Variants in LPP observed in about 807,000 individuals in gnomAD.
LPP encodes the protein lipoma-preferred partner.
In LPP, 38 loss-of-function variants were observed where a neutral mutation model predicts 60.4. The ratio of observed to expected loss-of-function variants is 0.63; its 90% CI spans 0.49 to 0.83. The LOEUF is 0.83. Among genes scored for constraint, LPP ranks in the 40% least tolerant of loss-of-function variants. The pLI is 0.00. For missense variants in LPP, 902 were observed against 783.6 expected (o/e 1.15, Z -1.80); for synonymous variants, 328 against 290.8 (o/e 1.13, Z -1.30).
intron 5 of LPP, among the ~76,000 whole-genome samples, chr3:188,501,915 A>T (rs565340734): frequency 1.4e-5 from 2 of 142,204 alleles, no homozygotes; most frequent in East Asian, 4.0e-4. Context: ...AGACTCCATT[A>T]AAAAAAAAAA....
intron 3 of LPP, among the ~76,000 whole-genome samples, chr3:188,362,817 G>C (rs1028294949): frequency 1.3e-5 from 2 of 152,120 alleles, no homozygotes; most frequent in African/African-American, 4.8e-5. Flanking sequence ...TGGAAACCAC[G>C]TTCTGTGGCC....
chr3:188,576,804 C>T (rs747893621), intron 6 of LPP, among the ~76,000 whole-genome samples: 1 of 152,176 alleles, frequency 6.6e-6, no homozygotes, highest in African/African-American at 2.4e-5. Context: ...TCTCCATCAC[C>T]AGTGAGCAGA....
chr3:188,733,164 C>T (rs2150067929), intron 8 of LPP, among the ~76,000 whole-genome samples: 1 of 152,188 alleles, frequency 6.6e-6, no homozygotes, highest in Admixed American at 6.5e-5. Flanking sequence ...ATCCAAGTCT[C>T]ATATGTGACT....
At chr3:188,763,944 C>G (rs1733217683) in intron 9 of LPP, among the ~76,000 whole-genome samples, 1 of 152,056 alleles carries the variant, frequency 6.6e-6, no homozygotes, top group African/African-American at 2.4e-5. Context: ...ACAGAACCAT[C>G]AACAATAATG....
intron 2 of LPP, among the ~76,000 whole-genome samples, chr3:188,276,894 CTT>C (rs1203656488): frequency 2.9e-4 from 11 of 38,224 alleles, no homozygotes; most frequent in African/African-American, 4.9e-4. Flanking sequence ...CTTTTCTTTT[CTT>C]TTTTTTTTTT....
In LPP at chr3:188,887,590, G is replaced by A. The variant is rs527557282; in HGVS notation, c.*13111G>A. On this transcript the variant is annotated 3_prime_UTR_variant, in exon 12 of 12. Coordinates refer to ENST00000617246, the MANE Select transcript of LPP (RefSeq NM_001375462.1). ...TACTTTGAGCTTAGTTTTTAGAATTGTGTCAAATACATCAACATATCAGGA... is the reference window on the plus strand; with the variant it reads ...TACTTTGAGCTTAGTTTTTAGAATTATGTCAAATACATCAACATATCAGGA... The A allele has an allele frequency of 1.4e-5, 3 of 215,570 alleles. No individual in the cohort carries two copies. Among genetic ancestry groups the A allele is most frequent in the East Asian group, 1.4e-4 (2 of 14,548 alleles). 13.4% of individuals were successfully genotyped at this position (215,570 alleles called of 1,614,324 possible). A position where few individuals can be genotyped will look rare whatever the true frequency, so the allele number is the denominator to read the frequency against.
chr3:188,451,763 GCAGTAGGAGGAATATT>G (rs1796633873), intron 4 of LPP, among the ~76,000 whole-genome samples: 1 of 152,176 alleles, frequency 6.6e-6, no homozygotes, highest in South Asian at 2.1e-4. Context: ...ATAAGGTAAA[GCAGTAGGAGGAATATT>G]CAGACAGAGA....
intron 9 of LPP, among the ~76,000 whole-genome samples, chr3:188,768,705 C>A (rs931400591): frequency 6.6e-6 from 1 of 152,102 alleles, no homozygotes; most frequent in Non-Finnish European, 1.5e-5. Context: ...GTCCATGTAC[C>A]TGTTATCCAA....
chr3:188,669,468 C>T (rs1014583973), intron 7 of LPP, among the ~76,000 whole-genome samples: 3 of 151,992 alleles, frequency 2.0e-5, no homozygotes, highest in Non-Finnish European at 4.4e-5. Context: ...CCGAGCTACT[C>T]GGGAGGCTGA....
chr3:188,207,222 T>C (rs960202798), intron 1 of LPP, among the ~76,000 whole-genome samples: 4 of 150,976 alleles, frequency 2.6e-5, no homozygotes, highest in Admixed American at 1.3e-4. Context: ...CTTTTTTTTT[T>C]TTTTCTTTTC....
intron 8 of LPP, among the ~76,000 whole-genome samples, chr3:188,733,847 T>A (rs1279208869): frequency 6.6e-6 from 1 of 152,228 alleles, no homozygotes; most frequent in Non-Finnish European, 1.5e-5. Context: ...TTATGCATTT[T>A]GTCAAGATTG....
At chr3:188,563,943 A>C (rs1391703509) in intron 6 of LPP, among the ~76,000 whole-genome samples, 2 of 151,872 alleles carry the variant, frequency 1.3e-5, no homozygotes, top group Admixed American at 1.3e-4. Flanking sequence ...TGTGGTTTGA[A>C]TACAGGCACT....
chr3:188,708,462 A>T, intron 8 of LPP, 69 bp downstream of exon 8: 17 of 1,599,360 alleles, frequency 1.1e-5, no homozygotes, highest in Middle Eastern at 1.7e-4. Flanking sequence ...AGTAATTGGA[A>T]CTATTATCAG....
chr3:188,749,972 A>G (rs1727548124), intron 8 of LPP, among the ~76,000 whole-genome samples: 1 of 152,184 alleles, frequency 6.6e-6, no homozygotes, highest in African/African-American at 2.4e-5. Flanking sequence ...TGGGTAATTT[A>G]TAAAGAATGA....
chr3:188,517,971 C>T (rs1299935908), intron 5 of LPP, among the ~76,000 whole-genome samples: 5 of 152,250 alleles, frequency 3.3e-5, no homozygotes, highest in Middle Eastern at 3.4e-3. Flanking sequence ...CACCTCTCCT[C>T]GCTCTCTCTT....
intron 5 of LPP, among the ~76,000 whole-genome samples, chr3:188,508,104 C>G (rs2149977518): frequency 6.6e-6 from 1 of 152,132 alleles, no homozygotes; most frequent in Admixed American, 6.5e-5. Context: ...CTTCAGGGGT[C>G]CATTGAGGCA....
intron 1 of LPP, among the ~76,000 whole-genome samples, chr3:188,158,525 G>C (rs554376839): frequency 3.9e-5 from 6 of 152,318 alleles, no homozygotes; most frequent in Admixed American, 6.5e-5. Context: ...GCTGTAGGTA[G>C]TGTAGGGATT....
chr3:188,265,303 G>A (rs73888098), intron 2 of LPP, among the ~76,000 whole-genome samples: 9,763 of 152,210 alleles, frequency 0.064, 580 homozygotes, highest in African/African-American at 0.16. Context: ...CTGAAGGCCT[G>A]TATATGGAGG....
intron 6 of LPP, among the ~76,000 whole-genome samples, chr3:188,536,221 G>A (rs1234011199): frequency 6.6e-6 from 1 of 151,948 alleles, no homozygotes; most frequent in African/African-American, 2.4e-5. Context: ...GTTGGTCAGG[G>A]TGGCCTCGAA....
Sources: allele counts gnomAD v4.1 joint callset (sites outside exome capture counted in the v4.1 genomes callset), GRCh38; gene constraint gnomAD v4.1.1; transcripts MANE v1.5; gene names NCBI Gene and HGNC (gene_info 2026-07-23, HGNC 2026-07-21).